The following CEP135 variants were observed in gnomAD, a reference collection of about 807,000 sequenced individuals.
The protein encoded by CEP135 is centrosomal protein 135.
CEP135 carries 142 observed loss-of-function variants against 157.3 expected under a neutral mutation model. That is an observed-to-expected ratio of 0.90 (90% CI 0.79 to 1.04). The LOEUF is 1.04. Ranked by LOEUF, CEP135 falls within the 50% of genes least tolerant of loss-of-function variation. The pLI, the probability that CEP135 is intolerant of heterozygous loss-of-function variation, is 0.00. For missense variants in CEP135, 1,317 were observed against 1,309.2 expected, an observed-to-expected ratio of 1.01 and a Z score of -0.09; for synonymous variants, 396 against 439.8, an observed-to-expected ratio of 0.90 and a Z score of 1.25.
At position 56,019,517 on chromosome 4, in the gene CEP135, G is replaced by A. The variant is rs1453374166; in HGVS notation, c.3177G>A (p.Gln1059=). 3 of 1,613,734 alleles carry A rather than the reference G, an allele frequency of 1.9e-6. No homozygotes were observed. The South Asian group carries it at 3.3e-5, about 18-fold the overall frequency. The change falls in exon 23 of 26, where the codon CAG becomes CAA. Residue 1059 remains glutamine (Q), a synonymous_variant. Transcript: ENST00000257287. ...LTSHEKDTEI[Q]LLKEKLTLSE... is the part of the protein sequence containing the mutation. Reference sequence around the variant, plus strand: ...CCCACGAGAAGGATACAGAAATCCAGCTACTTAAGGAGAAGTTAACCCTTT... The same window carrying A: ...CCCACGAGAAGGATACAGAAATCCAACTACTTAAGGAGAAGTTAACCCTTT...
chr4:56,030,966 G>A (rs991463833), intron 25 of CEP135, among the ~76,000 whole-genome samples: 3 of 151,958 alleles, frequency 2.0e-5, no homozygotes, highest in Non-Finnish European at 4.4e-5. Flanking sequence ...AACATCGTAA[G>A]ACCTCATCTA....
intron 10 of CEP135, among the ~76,000 whole-genome samples, chr4:55,971,917 G>C (rs1729039100): frequency 1.3e-5 from 2 of 152,112 alleles, no homozygotes; most frequent in African/African-American, 4.8e-5. Flanking sequence ...TTGGGAGGCT[G>C]AAACAGGCGG....
intron 13 of CEP135, among the ~76,000 whole-genome samples, 194 bp downstream of exon 13, chr4:55,981,573 A>G (rs1729409824): frequency 1.3e-5 from 2 of 152,178 alleles, no homozygotes; most frequent in African/African-American, 4.8e-5. Flanking sequence ...TTATTTGTTT[A>G]TGTATTATCT....
rs866455690 is a variant in CEP135 at position 55,965,811 on chromosome 4, TAAA to T, written c.997_999del (p.Lys333del). ...AGTTAGCACAGCAGTTGGAAAGACA[TAAA>T]GAAGAAGTGCTTGAGACTGCTGATA... is the stretch of plus-strand genomic sequence containing the variant. On this transcript the variant is annotated inframe_deletion, in exon 8 of 26. Transcript: ENST00000257287. 3.1e-6 allele frequency: 5 copies of T among 1,613,702 alleles called. No individual in the cohort carries two copies. The highest frequency in any genetic ancestry group is 2.2e-5 in the East Asian group (1 of 44,810).
At chr4:56,006,635 A>T (rs999130631) in intron 17 of CEP135, among the ~76,000 whole-genome samples, 1 of 151,896 alleles carries the variant, frequency 6.6e-6, no homozygotes, top group Admixed American at 6.6e-5. Context: ...TATATTAAAA[A>T]TTTTTTTCTG....
chr4:55,999,378 T>C lies in CEP135; in HGVS notation c.2086T>C (p.Ser696Pro). The C allele has an allele frequency of 6.2e-7, 1 of 1,614,188 alleles. No homozygotes were observed. The highest frequency in any genetic ancestry group is 8.5e-7 in the Non-Finnish European group (1 of 1,180,014). The change falls in exon 16 of 26, where the codon TCA (serine) becomes CCA (proline). Residue 696 changes from serine (S) to proline (P), a missense_variant. By Grantham distance (74) the Ser-to-Pro change is moderately conservative (BLOSUM62 -1). Transcript: ENST00000257287. ...RLSIKRGELE[S>P]AQAQIKILEE... Reference sequence around the variant, plus strand: ...TTCCATAAAAAGAGGTGAACTTGAATCAGCCCAAGCACAAATTAAAATACT... The same window carrying C: ...TTCCATAAAAAGAGGTGAACTTGAACCAGCCCAAGCACAAATTAAAATACT...
At chr4:55,951,406 C>G (rs1052651883) in intron 1 of CEP135, among the ~76,000 whole-genome samples, 84 of 152,280 alleles carry the variant, frequency 5.5e-4, no homozygotes, top group African/African-American at 1.9e-3. Context: ...TTGCTATTGT[C>G]GGTCCTTGTA....
chr4:55,959,908 ATAGC>A, intron 6 of CEP135, 142 bp downstream of exon 6: 1 of 727,858 alleles, frequency 1.4e-6, no homozygotes, highest in East Asian at 2.7e-5. Context: ...AATAGAGTTA[ATAGC>A]TGGAATGGCT....
At chr4:56,025,342 A>G (rs1731122665) in intron 25 of CEP135, among the ~76,000 whole-genome samples, 2 of 152,188 alleles carry the variant, frequency 1.3e-5, no homozygotes, top group Admixed American at 1.3e-4. Flanking sequence ...AAATGACAAT[A>G]TGAGCTATCA....
intron 5 of CEP135, among the ~76,000 whole-genome samples, chr4:55,957,907 G>C (rs1728554427): frequency 6.6e-6 from 1 of 152,128 alleles, no homozygotes; most frequent in Non-Finnish European, 1.5e-5. Flanking sequence ...TTCTGTTTTT[G>C]AGAAGCTTGT....
rs201936189 is a variant in CEP135, at chr4:55,959,741, G to A, written c.674G>A (p.Ser225Asn). The change falls in exon 6 of 26, where the codon AGT (serine) becomes AAT (asparagine). Residue 225 changes from serine to asparagine, a missense_variant. Transcript: ENST00000257287. ...QLQEKLAMMESGVRDYSKQIE... is the reference protein window; with the variant it reads ...QLQEKLAMMENGVRDYSKQIE... ...CAAGAAAAGTTAGCAATGATGGAAA[G>A]TGGGGTGAGAGACTATAGCAAGCAG... 6.2e-7 allele frequency: 1 copy of A among 1,614,076 alleles called. No individual in the cohort carries two copies. Among genetic ancestry groups the A allele is most frequent in the Admixed American group, 1.7e-5 (1 of 60,026 alleles).
chr4:56,023,369 T>A (rs556617328), intron 24 of CEP135, among the ~76,000 whole-genome samples: 10 of 152,222 alleles, frequency 6.6e-5, no homozygotes, highest in Middle Eastern at 3.4e-3. Flanking sequence ...TAAGGGTGGT[T>A]AGTAGAACCA....
At position 56,022,951 on chromosome 4, in the gene CEP135, G is replaced by A. The variant is rs114929080; in HGVS notation, c.3321-1550G>A. The stretch of plus-strand genomic sequence containing the variant: ...AGCTCTAAAAACATTCTAAAAATTA[G>A]CTGGGCATGAAGGTGCACAGCTGTA... On this transcript the variant is annotated intron_variant, in intron 24 of 25. Coordinates refer to ENST00000257287, the MANE Select transcript of CEP135 (RefSeq NM_025009.5). Among the ~76,000 whole-genome samples the A allele has an allele frequency of 5.1e-3, 780 of 152,194 alleles. 4 individuals are homozygous for A. Among genetic ancestry groups the A allele is most frequent in the African/African-American group, 0.018 (733 of 41,524 alleles).
chr4:55,949,813 G>A (rs1728304612), intron 1 of CEP135, among the ~76,000 whole-genome samples: 1 of 152,198 alleles, frequency 6.6e-6, no homozygotes, highest in African/African-American at 2.4e-5. Flanking sequence ...GGGTGGGGAC[G>A]GCCTAACATG....
chr4:55,999,963 G>A (rs1339325313), intron 17 of CEP135, among the ~76,000 whole-genome samples: 1 of 152,208 alleles, frequency 6.6e-6, no homozygotes, highest in Non-Finnish European at 1.5e-5. Flanking sequence ...GCTGAGGTGG[G>A]AGGATTGCTT....
At chr4:56,017,485 A>T (rs527579322) in intron 21 of CEP135, among the ~76,000 whole-genome samples, 163 bp from the exon 22 acceptor site, 1 of 152,240 alleles carries the variant, frequency 6.6e-6, no homozygotes, top group East Asian at 1.9e-4. Context: ...TAAGCATTAA[A>T]TAGGTCATCT....
chr4:56,011,127 C>T (rs932036403), intron 19 of CEP135, among the ~76,000 whole-genome samples: 4 of 151,870 alleles, frequency 2.6e-5, no homozygotes, highest in South Asian at 2.1e-4. Context: ...CTCAGCTACT[C>T]GGAGGGCTGA....
At chr4:55,970,581 T>C (rs893487144) in intron 9 of CEP135, among the ~76,000 whole-genome samples, 1 of 152,232 alleles carries the variant, frequency 6.6e-6, no homozygotes, top group Admixed American at 6.5e-5. Context: ...TAGTTGTATG[T>C]GCACTAAATG....
rs180876872 is a variant in CEP135, at chr4:55,956,825, C to G, written c.473-398C>G. Among the ~76,000 whole-genome samples, 40 of 152,172 alleles carry G rather than the reference C, an allele frequency of 2.6e-4. No homozygotes were observed. In the East Asian group the frequency reaches 7.3e-3, roughly 28 times the overall value. On this transcript the variant is annotated intron_variant, in intron 4 of 25. Coordinates refer to ENST00000257287, the MANE Select transcript of CEP135 (RefSeq NM_025009.5). ...ACGGGGTTTCACCATGTTGGCCAGG[C>G]TTGGTCTCGAACTCCCAACCTCAGG... is the stretch of plus-strand genomic sequence containing the variant.
Sources: gnomAD v4.1 joint callset for allele counts (sites outside exome capture counted in the v4.1 genomes callset) on GRCh38, gnomAD v4.1.1 for gene constraint, MANE v1.5 for transcripts, NCBI Gene and HGNC (gene_info 2026-07-23, HGNC 2026-07-21) for gene names.